The following NLK variants were observed in gnomAD, a reference collection of about 807,000 sequenced individuals.
The protein encoded by NLK is serine/threonine-protein kinase NLK.
A neutral mutation model predicts 59.0 loss-of-function variants in NLK; 11 were observed. The ratio of observed to expected loss-of-function variants is 0.19; its 90% CI spans 0.12 to 0.31. The LOEUF is 0.31. Ranked by LOEUF, NLK falls within the 10% of genes least tolerant of loss-of-function variation. The probability of loss-of-function intolerance (pLI) is 1.00; values close to 1 mark genes in which losing one functional copy is unlikely to be tolerated. For missense variants in NLK, 410 were observed against 661.1 expected, an observed-to-expected ratio of 0.62 and a Z score of 4.16; for synonymous variants, 235 against 235.9, an observed-to-expected ratio of 1.00 and a Z score of 0.03.
At chr17:28,133,233 A>C (rs1228220677) in intron 3 of NLK, among the ~76,000 whole-genome samples, 2 of 152,188 alleles carry the variant, frequency 1.3e-5, no homozygotes, top group African/African-American at 4.8e-5. Flanking sequence ...TAATCCTACA[A>C]ACATTCTCTG....
chr17:28,176,335 A>G (rs1461077763), intron 7 of NLK, among the ~76,000 whole-genome samples: 2 of 152,258 alleles, frequency 1.3e-5, no homozygotes, highest in Non-Finnish European at 2.9e-5. Flanking sequence ...GAGAAAAACT[A>G]AGCTTCTTTC....
At chr17:28,188,026 G>A (rs1909182707) in intron 8 of NLK, among the ~76,000 whole-genome samples, 1 of 152,122 alleles carries the variant, frequency 6.6e-6, no homozygotes, top group East Asian at 1.9e-4. Flanking sequence ...GGGCAACTTA[G>A]GGATTACAAA....
chr17:28,053,142 A>G (rs893698370), intron 1 of NLK, among the ~76,000 whole-genome samples: 2 of 152,048 alleles, frequency 1.3e-5, no homozygotes, highest in African/African-American at 4.8e-5. Context: ...AGGTAAGATT[A>G]CTTTTGGAGC....
chr17:28,121,635 G>A lies in NLK; in HGVS notation c.459-968G>A, dbSNP rs562175994. 1.7e-4 allele frequency among the ~76,000 whole-genome samples: 26 copies of A among 150,108 alleles called. No homozygotes were observed. In the South Asian group the frequency reaches 4.2e-3, roughly 24 times the overall value. ...TTGTGCCTCAGCCTCCCAAGTAGCT[G>A]GGATTACAGACATGCACCACGCCCG... On this transcript the variant is annotated intron_variant, in intron 1 of 10. Coordinates refer to ENST00000407008, the MANE Select transcript of NLK (RefSeq NM_016231.5).
intron 4 of NLK, 149 bp downstream of exon 4, chr17:28,161,415 T>C (rs1907999515): frequency 7.2e-6 from 4 of 551,922 alleles, no homozygotes; most frequent in South Asian, 2.7e-5. Flanking sequence ...AATTTCTATA[T>C]TTAATGTTAA....
At chr17:28,154,807 G>A (rs528367082) in intron 3 of NLK, among the ~76,000 whole-genome samples, 1 of 152,254 alleles carries the variant, frequency 6.6e-6, no homozygotes, top group South Asian at 2.1e-4. Flanking sequence ...ACTGAGGTGG[G>A]CAGATCACTT....
chr17:28,203,897 G>C, the NLK span, among the ~76,000 whole-genome samples: 1 of 152,170 alleles, frequency 6.6e-6, no homozygotes, highest in Admixed American at 6.5e-5. Context: ...TTGTATCCAG[G>C]CTGGGGAATA....
intron 1 of NLK, among the ~76,000 whole-genome samples, chr17:28,054,530 ATAAT>A (rs1477816487): frequency 1.3e-5 from 2 of 152,370 alleles, no homozygotes; most frequent in East Asian, 1.9e-4. Flanking sequence ...ATTAAACTTA[ATAAT>A]TAATGTTACT....
chr17:28,192,073 G>A (rs747933460), intron 9 of NLK, 47 bp from the exon 10 acceptor site: 13 of 1,130,098 alleles, frequency 1.2e-5, no homozygotes, highest in African/African-American at 1.5e-5. Context: ...CACTGCTCCC[G>A]GGCTTGCAAA....
chr17:28,111,886 GTGTGTGTGTGGTGT>G (rs1413127840), intron 1 of NLK, among the ~76,000 whole-genome samples: 83 of 127,574 alleles, frequency 6.5e-4, no homozygotes, highest in African/African-American at 2.1e-3. Flanking sequence ...GTGTGTGTGT[GTGTGTGTGTGGTGT>G]GTGTGTGTGT....
intron 1 of NLK, 30 bp downstream of exon 1, chr17:28,043,361 C>G: frequency 1.3e-6 from 2 of 1,489,420 alleles, no homozygotes; most frequent in Non-Finnish European, 9.0e-7. Context: ...CACAACCTCT[C>G]ATGGTTTCTT....
At chr17:28,146,218 T>C (rs1907241976) in intron 3 of NLK, among the ~76,000 whole-genome samples, 1 of 152,122 alleles carries the variant, frequency 6.6e-6, no homozygotes, top group African/African-American at 2.4e-5. Flanking sequence ...TTGATACTCT[T>C]CCCTAAGCCT....
At chr17:28,091,901 T>A (rs75964691) in intron 1 of NLK, among the ~76,000 whole-genome samples, 1,579 of 152,352 alleles carry the variant, frequency 0.01, 31 homozygotes, top group African/African-American at 0.036. Context: ...TAAAAAGTCT[T>A]TGTCATACTG....
intron 5 of NLK, among the ~76,000 whole-genome samples, chr17:28,167,996 A>T (rs979279864): frequency 6.6e-6 from 1 of 152,036 alleles, no homozygotes; most frequent in Non-Finnish European, 1.5e-5. Context: ...CAGATTGTAT[A>T]TTGACATAAA....
At chr17:28,081,660 C>T (rs946147415) in intron 1 of NLK, among the ~76,000 whole-genome samples, 13 of 152,152 alleles carry the variant, frequency 8.5e-5, no homozygotes, top group Non-Finnish European at 1.8e-4. Flanking sequence ...TTCACATGGG[C>T]CAATGACGTG....
chr17:28,085,641 T>G (rs1910488567), intron 1 of NLK, among the ~76,000 whole-genome samples: 1 of 152,032 alleles, frequency 6.6e-6, no homozygotes, highest in Non-Finnish European at 1.5e-5. Flanking sequence ...TCGGAAAGGC[T>G]GAGACAGGAG....
chr17:28,178,104 G>C (rs866222322), intron 7 of NLK, among the ~76,000 whole-genome samples: 22 of 152,268 alleles, frequency 1.4e-4, no homozygotes, highest in African/African-American at 5.3e-4. Flanking sequence ...CTGCAAAACA[G>C]GCTAATAAAG....
At chr17:28,125,469 A>AT (rs1418908653) in intron 2 of NLK, among the ~76,000 whole-genome samples, 2 of 152,196 alleles carry the variant, frequency 1.3e-5, no homozygotes, top group Admixed American at 1.3e-4. Context: ...CAGAAATTAA[A>AT]TTTTTTTAAT....
intron 5 of NLK, among the ~76,000 whole-genome samples, chr17:28,167,078 G>C (rs576734713): frequency 6.6e-6 from 1 of 152,176 alleles, no homozygotes; most frequent in Non-Finnish European, 1.5e-5. Flanking sequence ...TTCAACTGGA[G>C]TCAGTTTGAA....
Sources: allele counts gnomAD v4.1 joint callset (sites outside exome capture counted in the v4.1 genomes callset), GRCh38; gene constraint gnomAD v4.1.1; transcripts MANE v1.5; gene names NCBI Gene and HGNC (gene_info 2026-07-23, HGNC 2026-07-21).